POU6F2: variants seen among roughly 807,000 people sequenced by gnomAD.
POU6F2 encodes the protein POU class 6 homeobox 2, also known as POU domain, class 6, transcription factor 2.
A neutral mutation model predicts 71.3 loss-of-function variants in POU6F2; 31 were observed. The observed-to-expected ratio is 0.43, with a 90% CI of 0.33 to 0.59. The LOEUF is 0.59. POU6F2 is among the 20% of genes least tolerant of loss of function. The pLI is 0.04. For synonymous variants in POU6F2, 347 were observed against 355.7 expected (o/e 0.98, Z 0.27); for missense variants, 783 against 856.8 (o/e 0.91, Z 1.07).
chr7:39,339,371 C>G (rs1785858369), intron 4 of POU6F2, among the ~76,000 whole-genome samples: 2 of 152,190 alleles, frequency 1.3e-5, no homozygotes, highest in Non-Finnish European at 2.9e-5. Context: ...TCCATTCCTA[C>G]CACACACCTT....
rs571427664 is a variant in POU6F2 at position 38,996,100 on chromosome 7, C to T, written c.105+18042C>T. On this transcript the variant is annotated intron_variant, in intron 1 of 9. Transcript: ENST00000518318. ...TGTTACCCAGGCTGGAGTGGAATGG[C>T]GCGATCTCGGCTCACTGCAACCTCC... Among the ~76,000 whole-genome samples the T allele has an allele frequency of 4.4e-5, 6 of 136,704 alleles. No individual in the cohort carries two copies. The East Asian group carries it at 7.1e-4, about 16-fold the overall frequency. The allele number at this position is 136,704 out of a possible 152,430, so 89.7% of individuals were successfully genotyped here. A position where few individuals can be genotyped will look rare whatever the true frequency, so the allele number is the denominator to read the frequency against.
intron 1 of POU6F2, among the ~76,000 whole-genome samples, chr7:39,080,225 A>G (rs943771153): frequency 6.6e-6 from 1 of 152,204 alleles, no homozygotes; most frequent in African/African-American, 2.4e-5. Flanking sequence ...CTCATATTAA[A>G]TATCATATCA....
intron 2 of POU6F2, among the ~76,000 whole-genome samples, chr7:39,181,138 C>G (rs1334511668): frequency 6.6e-6 from 1 of 152,184 alleles, no homozygotes; most frequent in Non-Finnish European, 1.5e-5. Flanking sequence ...GCAGTTCTTT[C>G]AGGAAGAGAC....
chr7:39,325,211 A>C (rs1230774340), intron 4 of POU6F2, among the ~76,000 whole-genome samples: 1 of 152,216 alleles, frequency 6.6e-6, no homozygotes, highest in African/African-American at 2.4e-5. Context: ...AAATATAAAA[A>C]GAGATGTAGC....
intron 1 of POU6F2, among the ~76,000 whole-genome samples, chr7:39,049,564 C>T (rs1481396289): frequency 6.6e-6 from 1 of 151,894 alleles, no homozygotes; most frequent in Non-Finnish European, 1.5e-5. Flanking sequence ...TTGAGGCTTG[C>T]TTTATAGCCT....
chr7:39,124,100 G>A (rs1792098749), intron 2 of POU6F2, among the ~76,000 whole-genome samples: 1 of 143,298 alleles, frequency 7.0e-6, no homozygotes, highest in Non-Finnish European at 1.5e-5. Flanking sequence ...CGGCTGGAGT[G>A]CAATGGCGCA....
rs570284845 is a variant in POU6F2, at chr7:39,412,275, T to A, written c.1113+5535T>A. Among the ~76,000 whole-genome samples, 153 of 152,332 alleles carry A rather than the reference T, an allele frequency of 1.0e-3. 1 individual carries two copies. Among genetic ancestry groups the A allele is most frequent in the Admixed American group, 1.5e-3 (23 of 15,304 alleles). On this transcript the variant is annotated intron_variant, in intron 6 of 9. Transcript: ENST00000518318. ...ATAAATCATGGCTATTCTGTTAGGATGAAAAACCAGCAATTAACCCTGAAC... is the reference window on the plus strand; with the variant it reads ...ATAAATCATGGCTATTCTGTTAGGAAGAAAAACCAGCAATTAACCCTGAAC...
chr7:39,292,185 C>T (rs1463508410), intron 4 of POU6F2, among the ~76,000 whole-genome samples: 2 of 152,284 alleles, frequency 1.3e-5, no homozygotes, highest in African/African-American at 4.8e-5. Context: ...CACCTTCCAC[C>T]CGGCGCCGGG....
At chr7:39,308,426 C>T (rs1785088916) in intron 4 of POU6F2, among the ~76,000 whole-genome samples, 1 of 152,158 alleles carries the variant, frequency 6.6e-6, no homozygotes, top group Non-Finnish European at 1.5e-5. Context: ...CCATGAGGGG[C>T]CCTGGGACGT....
chr7:39,422,049 A>G (rs1342554910), intron 6 of POU6F2, among the ~76,000 whole-genome samples: 1 of 152,208 alleles, frequency 6.6e-6, no homozygotes, highest in Non-Finnish European at 1.5e-5. Context: ...TTTAAGGGGG[A>G]AAAAATGTTT....
At chr7:39,231,372 G>A (rs1214332596) in intron 4 of POU6F2, among the ~76,000 whole-genome samples, 1 of 152,070 alleles carries the variant, frequency 6.6e-6, no homozygotes, top group Admixed American at 6.6e-5. Flanking sequence ...AATGATAATA[G>A]GTAGCAGTTT....
chr7:39,390,827 G>A (rs1010228207), intron 5 of POU6F2, among the ~76,000 whole-genome samples: 7 of 151,984 alleles, frequency 4.6e-5, no homozygotes, highest in African/African-American at 1.4e-4. Context: ...AAGCTGAACA[G>A]GGTTTTCTTG....
chr7:39,189,508 C>G (rs1332259182), intron 2 of POU6F2, among the ~76,000 whole-genome samples: 1 of 152,130 alleles, frequency 6.6e-6, no homozygotes, highest in African/African-American at 2.4e-5. Context: ...AAGCTATTCT[C>G]CTGCCTCAGC....
At chr7:39,177,139 C>A (rs1163836096) in intron 2 of POU6F2, among the ~76,000 whole-genome samples, 1 of 152,084 alleles carries the variant, frequency 6.6e-6, no homozygotes, top group African/African-American at 2.4e-5. Context: ...TAGGAGGATC[C>A]ACATGCAAAA....
At chr7:39,419,169 AT>A (rs1787790568) in intron 6 of POU6F2, among the ~76,000 whole-genome samples, 1 of 128,338 alleles carries the variant, frequency 7.8e-6, no homozygotes, top group Admixed American at 7.9e-5. Context: ...ATATACACAT[AT>A]ATATACGTAT....
At chr7:39,263,900 A>C (rs1472663505) in intron 4 of POU6F2, among the ~76,000 whole-genome samples, 1 of 152,214 alleles carries the variant, frequency 6.6e-6, no homozygotes, top group Non-Finnish European at 1.5e-5. Context: ...CAGCCTTTCA[A>C]TAAGTGCTGA....
intron 5 of POU6F2, among the ~76,000 whole-genome samples, chr7:39,362,414 A>G (rs1786408440): frequency 6.6e-6 from 1 of 152,186 alleles, no homozygotes. Flanking sequence ...GCTTGCTTAC[A>G]GTACAAGCAA....
rs751042169 is a variant in POU6F2, at chr7:39,046,991, G to A, written c.106-38869G>A. On this transcript the variant is annotated intron_variant, in intron 1 of 9. Coordinates refer to ENST00000518318, the MANE Select transcript of POU6F2 (RefSeq NM_001370959.1). ...CCCATTAAATTGTCTCCACATTTTT[G>A]TCAAAAATTAATTGACCAAAATTGT... Among the ~76,000 whole-genome samples the A allele has an allele frequency of 2.0e-4, 31 of 151,800 alleles. 1 individual carries two copies. Among genetic ancestry groups the A allele is most frequent in the Middle Eastern group, 6.8e-3 (2 of 294 alleles).
intron 1 of POU6F2, among the ~76,000 whole-genome samples, chr7:38,998,204 A>G (rs952624): frequency 0.07 from 10,690 of 152,250 alleles, 508 homozygotes; most frequent in Admixed American, 0.13. Flanking sequence ...TATGCACTTA[A>G]TTATTGCTTT....
Sources: gnomAD v4.1 joint callset for allele counts (sites outside exome capture counted in the v4.1 genomes callset) on GRCh38, gnomAD v4.1.1 for gene constraint, MANE v1.5 for transcripts, NCBI Gene and HGNC (gene_info 2026-07-23, HGNC 2026-07-21) for gene names.